The following TMEM245 variants were observed in gnomAD, a reference collection of about 807,000 sequenced individuals.
TMEM245 encodes the protein protein CG-2.
Under a neutral mutation model 101.2 loss-of-function variants are expected in TMEM245, and 69 were observed. The ratio of observed to expected loss-of-function variants is 0.68; its 90% CI spans 0.56 to 0.83. The LOEUF is 0.83. TMEM245 is among the 40% of genes least tolerant of loss of function. The pLI, the probability that TMEM245 is intolerant of heterozygous loss-of-function variation, is 0.00. For missense variants in TMEM245, 1,075 were observed against 1,092.8 expected, an observed-to-expected ratio of 0.98 and a Z score of 0.23; for synonymous variants, 537 against 449.8, an observed-to-expected ratio of 1.19 and a Z score of -2.45.
intron 1 of TMEM245, 24 bp downstream of exon 1, chr9:109,119,311 G>T (rs954977980): frequency 1.3e-5 from 19 of 1,516,954 alleles, no homozygotes; most frequent in Non-Finnish European, 1.6e-5. Flanking sequence ...GGCGGGGGAC[G>T]GGGGCGGACT....
At chr9:109,020,596 G>C in intron 17 of TMEM245, 91 bp from the exon 18 acceptor site, 2 of 1,135,784 alleles carry the variant, frequency 1.8e-6, no homozygotes, top group Non-Finnish European at 2.6e-6. Flanking sequence ...AGATTATATA[G>C]TCACTATTTT....
chr9:109,093,267 C>G (rs1315317861), intron 4 of TMEM245, among the ~76,000 whole-genome samples: 1 of 151,674 alleles, frequency 6.6e-6, no homozygotes, highest in Non-Finnish European at 1.5e-5. Flanking sequence ...GTAAGAAACT[C>G]AAGAAGTTAC....
chr9:109,025,681 A>G (rs1827771401), intron 17 of TMEM245, among the ~76,000 whole-genome samples: 1 of 152,220 alleles, frequency 6.6e-6, no homozygotes, highest in Admixed American at 6.5e-5. Context: ...AGTCTATCAA[A>G]GCAAGTCTGA....
intron 4 of TMEM245, among the ~76,000 whole-genome samples, chr9:109,092,363 A>G (rs1180648994): frequency 6.6e-6 from 1 of 152,164 alleles, no homozygotes; most frequent in African/African-American, 2.4e-5. Context: ...CTATGAGTCA[A>G]TTTTTACTAC....
At chr9:109,093,450 T>G in intron 4 of TMEM245, 25 bp downstream of exon 4, 1 of 1,581,544 alleles carries the variant, frequency 6.3e-7, no homozygotes, top group Non-Finnish European at 8.6e-7. Flanking sequence ...AGAATAACCT[T>G]GAATGTCACC....
At chr9:109,086,671 C>A (rs1327953432) in intron 6 of TMEM245, among the ~76,000 whole-genome samples, 1 of 152,204 alleles carries the variant, frequency 6.6e-6, no homozygotes, top group African/African-American at 2.4e-5. Flanking sequence ...GATTCATAGT[C>A]CATGCTCTTT....
chr9:109,049,320 C>T (rs1370683943), intron 14 of TMEM245, among the ~76,000 whole-genome samples: 1 of 152,192 alleles, frequency 6.6e-6, no homozygotes, highest in Non-Finnish European at 1.5e-5. Flanking sequence ...TCAAGCAATC[C>T]TACCACCTCA....
At chr9:109,021,312 T>C (rs1368945520) in intron 17 of TMEM245, among the ~76,000 whole-genome samples, 1 of 152,152 alleles carries the variant, frequency 6.6e-6, no homozygotes, top group Non-Finnish European at 1.5e-5. Flanking sequence ...TAGACAAAAA[T>C]GCCTCACACC....
rs571914314 is a variant in TMEM245 at position 109,119,131 on chromosome 9, G to A, written c.579+204C>T. ...ATTGAAACAAGGCGAAAAGCAGGGA[G>A]GCTGTTTCAAATCACGCCCGCCCCC... On this transcript the variant is annotated intron_variant, in intron 1 of 17. Transcript: ENST00000374586. 3.3e-5 allele frequency among the ~76,000 whole-genome samples: 5 copies of A among 152,360 alleles called. No homozygotes were observed. In the East Asian group the frequency reaches 9.6e-4, roughly 29 times the overall value.
Position 109,050,306 on chromosome 9 carries a change from G to C in TMEM245, c.2100C>G (p.Gly700=). The part of the protein sequence containing the change: ...SQPGPSSNII[G]QSVEEAIRGV... ...ACCTGATAGCTTCTTCCACAGACTGGCCAATAATATTAGAAGAAGGACCTG... is the reference window on the plus strand; with the variant it reads ...ACCTGATAGCTTCTTCCACAGACTGCCCAATAATATTAGAAGAAGGACCTG... The change falls in exon 14 of 18, where the codon GGC becomes GGG. Residue 700 remains glycine (G), a synonymous_variant. Coordinates refer to ENST00000374586, the MANE Select transcript of TMEM245 (RefSeq NM_032012.4). The C allele has an allele frequency of 6.2e-7, 1 of 1,614,058 alleles. No individual in the cohort carries two copies. The highest frequency in any genetic ancestry group is 8.5e-7 in the Non-Finnish European group (1 of 1,179,998).
At chr9:109,119,244 C>T in intron 1 of TMEM245, 91 bp downstream of exon 1, 1 of 1,256,466 alleles carries the variant, frequency 8.0e-7, no homozygotes, top group Non-Finnish European at 1.1e-6. Flanking sequence ...GGCCCCTCGT[C>T]GCCCCTGCAC....
intron 16 of TMEM245, among the ~76,000 whole-genome samples, chr9:109,035,343 C>T (rs1828087910): frequency 6.6e-6 from 1 of 152,018 alleles, no homozygotes; most frequent in South Asian, 2.1e-4. Context: ...TTAATTTTCT[C>T]TCTCAAGTTT....
At chr9:109,098,773 C>T (rs1830207861) in intron 3 of TMEM245, among the ~76,000 whole-genome samples, 1 of 152,114 alleles carries the variant, frequency 6.6e-6, no homozygotes, top group African/African-American at 2.4e-5. Flanking sequence ...TATCAATCTA[C>T]CCAGAGACAG....
chr9:109,068,433 G>C (rs1374900691), intron 9 of TMEM245, among the ~76,000 whole-genome samples: 1 of 149,898 alleles, frequency 6.7e-6, no homozygotes, highest in African/African-American at 2.5e-5. Flanking sequence ...TTGAGGTCAG[G>C]AGTTCAAAGA....
chr9:109,100,091 A>C lies in TMEM245; in HGVS notation c.799+6417T>G, dbSNP rs548089370. 2.6e-5 allele frequency among the ~76,000 whole-genome samples: 4 copies of C among 152,280 alleles called. No homozygotes were observed. In the South Asian group the frequency reaches 8.3e-4, roughly 32 times the overall value. Reference sequence around the variant, plus strand: ...GCAGGACAAAACAGACTAAGCCATAAGGTTTCTACTAAGTAAGGTTTCTGG... The same window carrying C: ...GCAGGACAAAACAGACTAAGCCATACGGTTTCTACTAAGTAAGGTTTCTGG... On this transcript the variant is annotated intron_variant, in intron 3 of 17. Coordinates refer to ENST00000374586, the MANE Select transcript of TMEM245 (RefSeq NM_032012.4).
chr9:109,040,711 T>C (rs1828275920), intron 14 of TMEM245, among the ~76,000 whole-genome samples: 2 of 152,212 alleles, frequency 1.3e-5, no homozygotes, highest in African/African-American at 4.8e-5. Flanking sequence ...GCTTTTGGTG[T>C]TTCTTTCACC....
At chr9:109,095,968 T>C (rs1051342100) in intron 3 of TMEM245, among the ~76,000 whole-genome samples, 27 of 152,282 alleles carry the variant, frequency 1.8e-4, no homozygotes, top group African/African-American at 6.0e-4. Flanking sequence ...GATGCCAGTG[T>C]GGTCTACAGC....
At chr9:109,097,046 T>G (rs914170122) in intron 3 of TMEM245, among the ~76,000 whole-genome samples, 1 of 152,222 alleles carries the variant, frequency 6.6e-6, no homozygotes, top group Non-Finnish European at 1.5e-5. Flanking sequence ...TGTAAACTGT[T>G]AGGGAGCAGC....
rs1342415102 is a variant in TMEM245, at chr9:109,017,986, T to C, written c.*2474A>G. On this transcript the variant is annotated 3_prime_UTR_variant, in exon 18 of 18. Coordinates refer to ENST00000374586, the MANE Select transcript of TMEM245 (RefSeq NM_032012.4). ...TTTCCTGATCATAGCTGTGAAGCAC[T>C]CTGGGGCACCTCTGCTCCTGGTATT... 3 of 152,184 alleles carry C rather than the reference T, an allele frequency of 2.0e-5. No individual in the cohort carries two copies. Among genetic ancestry groups the C allele is most frequent in the Non-Finnish European group, 4.4e-5 (3 of 68,038 alleles). The allele number at this position is 152,184 out of a possible 1,614,324, so 9.4% of individuals were successfully genotyped here.
Sources: allele counts gnomAD v4.1 joint callset (sites outside exome capture counted in the v4.1 genomes callset), GRCh38; gene constraint gnomAD v4.1.1; transcripts MANE v1.5; gene names NCBI Gene and HGNC (gene_info 2026-07-23, HGNC 2026-07-21).